TRHDE: variants seen among roughly 807,000 people sequenced by gnomAD.
The protein encoded by TRHDE is thyrotropin-releasing hormone-degrading ectoenzyme.
In TRHDE, 72 loss-of-function variants were observed where a neutral mutation model predicts 125.7. The ratio of observed to expected loss-of-function variants is 0.57; its 90% CI spans 0.47 to 0.70. The LOEUF (loss-of-function observed/expected upper bound fraction) is 0.70. TRHDE is among the 30% of genes least tolerant of loss of function. The pLI, the probability that TRHDE is intolerant of heterozygous loss-of-function variation, is 0.00. For synonymous variants in TRHDE, 509 were observed against 509.1 expected (o/e 1.00, Z 0.00); for missense variants, 1,110 against 1,327.1 (o/e 0.84, Z 2.54).
At chr12:72,293,057 C>T (rs1880149609) in intron 2 of TRHDE, among the ~76,000 whole-genome samples, 1 of 152,098 alleles carries the variant, frequency 6.6e-6, no homozygotes, top group African/African-American at 2.4e-5. Flanking sequence ...TGCATCTTTA[C>T]TAAATGATTT....
intron 7 of TRHDE, among the ~76,000 whole-genome samples, chr12:72,551,600 A>G (rs908571692): frequency 6.6e-6 from 1 of 152,110 alleles, no homozygotes; most frequent in Non-Finnish European, 1.5e-5. Flanking sequence ...CCAGTCATTC[A>G]TTTATTCCAC....
At chr12:72,348,043 T>TA (rs1870409460) in intron 2 of TRHDE, among the ~76,000 whole-genome samples, 1 of 151,910 alleles carries the variant, frequency 6.6e-6, no homozygotes. Flanking sequence ...GCTCAACTTT[T>TA]AAAAAATATT....
intron 6 of TRHDE, among the ~76,000 whole-genome samples, chr12:72,514,626 T>C (rs574315036): frequency 2.6e-5 from 4 of 151,800 alleles, no homozygotes; most frequent in Admixed American, 6.6e-5. Context: ...ACTTACTTTT[T>C]CTTTTTTTTT....
intron 1 of TRHDE, among the ~76,000 whole-genome samples, chr12:72,283,105 T>C (rs368500103): frequency 1.2e-4 from 18 of 152,356 alleles, no homozygotes; most frequent in Middle Eastern, 3.4e-3. Flanking sequence ...TCTAGGTATA[T>C]GTTTATTTTA....
Position 72,514,651 on chromosome 12 carries a change from TTTTAC to T in TRHDE, c.1722+15021_1722+15025del, listed in dbSNP as rs752207170. ...TCTTTTTTTTTTTAATTTATTATTA[TTTTAC>T]TTTAAGTTTCAGGGTACATGTGCAC... On this transcript the variant is annotated intron_variant, in intron 6 of 18. Coordinates refer to ENST00000261180, the MANE Select transcript of TRHDE (RefSeq NM_013381.3). 2.1e-3 allele frequency among the ~76,000 whole-genome samples: 317 copies of T among 152,024 alleles called. 2 individuals are homozygous for T. In the Middle Eastern group the frequency reaches 0.048, roughly 23 times the overall value.
chr12:72,411,775 G>GCTA (rs898702459), intron 3 of TRHDE, among the ~76,000 whole-genome samples: 23 of 152,124 alleles, frequency 1.5e-4, no homozygotes, highest in Non-Finnish European at 2.9e-4. Context: ...GTGGCATGGG[G>GCTA]CTAGGCAAGT....
At chr12:72,625,073 A>C (rs1441186994) in intron 15 of TRHDE, among the ~76,000 whole-genome samples, 1 of 151,926 alleles carries the variant, frequency 6.6e-6, no homozygotes, top group East Asian at 1.9e-4. Context: ...AGTAGAAAAA[A>C]AATAGTACAT....
At chr12:72,367,711 T>C (rs951516847) in intron 2 of TRHDE, among the ~76,000 whole-genome samples, 1 of 152,210 alleles carries the variant, frequency 6.6e-6, no homozygotes, top group East Asian at 1.9e-4. Flanking sequence ...TTCACATAGG[T>C]GAATTAATTC....
intron 15 of TRHDE, among the ~76,000 whole-genome samples, chr12:72,631,439 TTAAG>T (rs1873490482): frequency 1.3e-5 from 2 of 151,856 alleles, no homozygotes; most frequent in Non-Finnish European, 2.9e-5. Flanking sequence ...TCTTAACTAT[TTAAG>T]TGAGTATCCT....
chr12:72,087,450 A>T (rs1874695638), intron 1 of TRHDE: 1 of 152,228 alleles, frequency 6.6e-6, no homozygotes, highest in South Asian at 2.1e-4. Flanking sequence ...GTGAGAGGTG[A>T]TATAATCCAG....
chr12:72,537,350 G>A (rs1868916196), intron 6 of TRHDE, among the ~76,000 whole-genome samples: 1 of 151,950 alleles, frequency 6.6e-6, no homozygotes, highest in Non-Finnish European at 1.5e-5. Context: ...GTCAAGGAAG[G>A]GAACTGATTG....
Position 72,378,090 on chromosome 12 carries a change from C to T in TRHDE, c.1284C>T (p.Tyr428=). 1 of 1,601,920 alleles carries T rather than the reference C, an allele frequency of 6.2e-7. No individual in the cohort carries two copies. ...TKRLIEFYED[Y]FKVPYSLPKL... is the part of the protein sequence containing the mutation. ...GATTAATAGAATTTTATGAAGACTA[C>T]TTTAAAGTGCCCTATTCCTTGCCAA... The change falls in exon 3 of 19, where the codon TAC becomes TAT. Residue 428 remains tyrosine, a synonymous_variant. Coordinates refer to ENST00000261180, the MANE Select transcript of TRHDE (RefSeq NM_013381.3).
chr12:72,628,634 T>C (rs1873357615), intron 15 of TRHDE, among the ~76,000 whole-genome samples: 1 of 151,908 alleles, frequency 6.6e-6, no homozygotes. Context: ...AACATCAGAA[T>C]ATGTCACCAA....
intron 1 of TRHDE, among the ~76,000 whole-genome samples, chr12:72,100,750 A>C (rs1875048225): frequency 6.6e-6 from 1 of 152,172 alleles, no homozygotes; most frequent in Admixed American, 6.6e-5. Context: ...TGTGATCAGG[A>C]CCCAGTCATT....
At chr12:72,174,148 C>A (rs920205495) in intron 2 of TRHDE, among the ~76,000 whole-genome samples, 2 of 152,100 alleles carry the variant, frequency 1.3e-5, no homozygotes, top group African/African-American at 4.8e-5. Context: ...TCTGCCACCA[C>A]GTGAACAAGC....
intron 2 of TRHDE, among the ~76,000 whole-genome samples, chr12:72,150,347 T>C (rs1169922421): frequency 6.6e-6 from 1 of 152,018 alleles, no homozygotes; most frequent in Non-Finnish European, 1.5e-5. Context: ...CCAGCACTGA[T>C]TTGGGATGAC....
chr12:72,350,877 A>G (rs962505188), intron 2 of TRHDE, among the ~76,000 whole-genome samples: 1 of 152,032 alleles, frequency 6.6e-6, no homozygotes, highest in Non-Finnish European at 1.5e-5. Flanking sequence ...TCACAGGTGA[A>G]ATTACTCTGA....
At chr12:72,200,493 TG>T (rs1052365677) in intron 2 of TRHDE, among the ~76,000 whole-genome samples, 4 of 152,226 alleles carry the variant, frequency 2.6e-5, no homozygotes, top group African/African-American at 9.6e-5. Context: ...AAATTTTTTT[TG>T]ATAATGGTTT....
chr12:72,663,494 G>A lies in TRHDE; in HGVS notation c.*299G>A. ...GTACAGGACCAAATATGATAGTGAT[G>A]CATGTTGATGTTACAGTCAATTTGG... On this transcript the variant is annotated 3_prime_UTR_variant, in exon 19 of 19. Coordinates refer to ENST00000261180, the MANE Select transcript of TRHDE (RefSeq NM_013381.3). 4.9e-6 allele frequency: 1 copy of A among 202,856 alleles called. No individual in the cohort carries two copies. The highest frequency in any genetic ancestry group is 5.9e-5 in the Admixed American group (1 of 16,932). 12.6% of individuals were successfully genotyped at this position (202,856 alleles called of 1,614,324 possible). A position where few individuals can be genotyped will look rare whatever the true frequency, so the allele number is the denominator to read the frequency against.
Sources: allele counts gnomAD v4.1 joint callset (sites outside exome capture counted in the v4.1 genomes callset), GRCh38; gene constraint gnomAD v4.1.1; transcripts MANE v1.5; gene names NCBI Gene and HGNC (gene_info 2026-07-23, HGNC 2026-07-21).